Variants in SLC6A13 observed in about 807,000 individuals in gnomAD.
SLC6A13 encodes the protein sodium- and chloride-dependent GABA transporter 2.
SLC6A13 carries 69 observed loss-of-function variants against 72.9 expected under a neutral mutation model. The observed-to-expected ratio is 0.95, with a 90% CI of 0.78 to 1.16. SLC6A13 has a LOEUF of 1.16. Ranked by LOEUF, SLC6A13 falls within the 50% of genes most tolerant of loss-of-function variation. SLC6A13 has a pLI of 0.00. For missense variants in SLC6A13, 735 were observed against 760.5 expected, an observed-to-expected ratio of 0.97 and a Z score of 0.39; for synonymous variants, 303 against 303.0, an observed-to-expected ratio of 1.00 and a Z score of 0.00.
intron 8 of SLC6A13, 51 bp from the exon 9 acceptor site, chr12:226,565 T>C (rs774508754): frequency 4.4e-5 from 69 of 1,582,728 alleles, no homozygotes; most frequent in Non-Finnish European, 5.8e-5. Context: ...AGAACAGGGC[T>C]GCAACCTCTC....
At chr12:251,030 C>T (rs1942524285) in intron 2 of SLC6A13, among the ~76,000 whole-genome samples, 1 of 151,814 alleles carries the variant, frequency 6.6e-6, no homozygotes. Flanking sequence ...GTGGTGGGCA[C>T]CTGTAGTCCC....
At chr12:233,473 G>C (rs1482238270) in intron 7 of SLC6A13, among the ~76,000 whole-genome samples, 2 of 152,262 alleles carry the variant, frequency 1.3e-5, no homozygotes, top group African/African-American at 4.8e-5. Flanking sequence ...CACGAAGGAA[G>C]GGTGGGGAGG....
chr12:221,214 T>TTCCCGAGACTTCTCAGCAGCCAC, intron 14 of SLC6A13, 144 bp from the exon 15 acceptor site: 1 of 1,321,476 alleles, frequency 7.6e-7, no homozygotes, highest in East Asian at 2.5e-5. Flanking sequence ...CCCCTGTGTC[T>TTCCCGAGACTTCTCAGCAGCCAC]TCCCGAGACT....
At chr12:259,678 G>A (rs541921254) in intron 2 of SLC6A13, 173 bp downstream of exon 2, 6 of 1,475,224 alleles carry the variant, frequency 4.1e-6, no homozygotes, top group South Asian at 2.8e-5. Flanking sequence ...GGATAGTCAC[G>A]TAACCTTTCT....
rs1942652387 is a variant in SLC6A13 at position 254,046 on chromosome 12, C to T, written c.202+5805G>A. On this transcript the variant is annotated intron_variant, in intron 2 of 14. Transcript: ENST00000343164. This position sits in a 1 kb window ranked among gnomAD's most constrained non-coding sequence, Gnocchi z 4.4. Reference sequence around the variant, plus strand: ...CTCCCGCTACCTTCTTCCCACATCACGCCTCCTGCGTTATCCAGCATCTCC... The same window carrying T: ...CTCCCGCTACCTTCTTCCCACATCATGCCTCCTGCGTTATCCAGCATCTCC... Among the ~76,000 whole-genome samples the T allele has an allele frequency of 2.0e-5, 3 of 152,244 alleles. No individual in the cohort carries two copies. The highest frequency in any genetic ancestry group is 2.1e-4 in the South Asian group (1 of 4,838).
chr12:260,073 G>T lies in SLC6A13; in HGVS notation c.-5-16C>A, dbSNP rs188143376. 6.2e-6 allele frequency: 10 copies of T among 1,608,888 alleles called. No homozygotes were observed. The East Asian group carries it at 2.2e-4, about 36-fold the overall frequency. On this transcript the variant is annotated splice_polypyrimidine_tract_variant and intron_variant, in intron 1 of 14. Coordinates refer to ENST00000343164, the MANE Select transcript of SLC6A13 (RefSeq NM_016615.5). Reference sequence around the variant, plus strand: ...TCCATCCCACCTGGAAAACAAGTGGGATGCTCTGTTACTGTTGGGAACCCC... The same window carrying T: ...TCCATCCCACCTGGAAAACAAGTGGTATGCTCTGTTACTGTTGGGAACCCC...
At chr12:242,018 G>T (rs184368056) in intron 4 of SLC6A13, among the ~76,000 whole-genome samples, 1 of 152,228 alleles carries the variant, frequency 6.6e-6, no homozygotes, top group Non-Finnish European at 1.5e-5. Flanking sequence ...TATAGCAGAC[G>T]GCCCAGGTGT....
At chr12:231,407 C>A (rs375719085) in intron 7 of SLC6A13, among the ~76,000 whole-genome samples, 4 of 152,312 alleles carry the variant, frequency 2.6e-5, no homozygotes, top group African/African-American at 7.2e-5. Context: ...AAGTGCCAGG[C>A]GAATGCCAGT....
At chr12:237,676 T>C (rs1941987407) in intron 5 of SLC6A13, among the ~76,000 whole-genome samples, 1 of 151,824 alleles carries the variant, frequency 6.6e-6, no homozygotes, top group Non-Finnish European at 1.5e-5. Flanking sequence ...AGAGCACATA[T>C]GCACACACAC....
Position 220,787 on chromosome 12 carries a change from C to T in SLC6A13, c.*161G>A. 1 of 767,396 alleles carries T rather than the reference C, an allele frequency of 1.3e-6. No individual in the cohort carries two copies. Among genetic ancestry groups the T allele is most frequent in the Non-Finnish European group, 2.0e-6 (1 of 488,200 alleles). 47.5% of individuals were successfully genotyped at this position (767,396 alleles called of 1,614,324 possible). A position where few individuals can be genotyped will look rare whatever the true frequency, so the allele number is the denominator to read the frequency against. ...CAACAACCCCTGAGCTGAAAAGTTGCAGTGGGAGGCCTCCAGCTCAGCAGG... is the reference window on the plus strand; with the variant it reads ...CAACAACCCCTGAGCTGAAAAGTTGTAGTGGGAGGCCTCCAGCTCAGCAGG... On this transcript the variant is annotated 3_prime_UTR_variant, in exon 15 of 15. Transcript: ENST00000343164.
At chr12:239,341 G>A (rs1327883593) in intron 4 of SLC6A13, among the ~76,000 whole-genome samples, 3 of 112,624 alleles carry the variant, frequency 2.7e-5, no homozygotes, top group Admixed American at 8.7e-5. Flanking sequence ...CTCAGCCACC[G>A]GCTCTACCAC....
chr12:221,101 G>T (rs1941186495), intron 14 of SLC6A13, 31 bp from the exon 15 acceptor site: 7 of 1,560,350 alleles, frequency 4.5e-6, no homozygotes, highest in African/African-American at 1.4e-5. Context: ...GCTGTCAGGT[G>T]GTGGAGCGGG....
At chr12:259,821 G>A in intron 2 of SLC6A13, 30 bp downstream of exon 2, 1 of 1,614,212 alleles carries the variant, frequency 6.2e-7, no homozygotes, top group Non-Finnish European at 8.5e-7. Context: ...TCCAGGAGTG[G>A]GTGGGGTGGC....
intron 2 of SLC6A13, among the ~76,000 whole-genome samples, chr12:250,488 A>G (rs1240411507): frequency 3.3e-5 from 5 of 152,188 alleles, no homozygotes; most frequent in African/African-American, 1.2e-4. Flanking sequence ...TTGTGTATGT[A>G]TTAGGAATAA....
rs1398622190 is a variant in SLC6A13, at chr12:246,391, C to A, written c.203-2578G>T. On this transcript the variant is annotated intron_variant, in intron 2 of 14. Coordinates refer to ENST00000343164, the MANE Select transcript of SLC6A13 (RefSeq NM_016615.5). ...AATATTACCAGGTCTGGTATTCAAT[C>A]GAAAATTACCAGGAAAGCAAAGAAT... 2.6e-5 allele frequency among the ~76,000 whole-genome samples: 4 copies of A among 152,012 alleles called. No individual in the cohort carries two copies. In the East Asian group the frequency reaches 7.7e-4, roughly 29 times the overall value.
At chr12:229,490 G>A (rs1459756351) in intron 7 of SLC6A13, among the ~76,000 whole-genome samples, 1 of 152,194 alleles carries the variant, frequency 6.6e-6, no homozygotes, top group Non-Finnish European at 1.5e-5. Context: ...CTGCTTCACT[G>A]GCTAAGTTAC....
chr12:228,394 TC>T (rs1183794232), intron 7 of SLC6A13, among the ~76,000 whole-genome samples: 1 of 151,850 alleles, frequency 6.6e-6, no homozygotes, highest in Non-Finnish European at 1.5e-5. Flanking sequence ...TGCAGGACCC[TC>T]CCCAGGAGCT....
intron 4 of SLC6A13, among the ~76,000 whole-genome samples, chr12:239,895 A>G (rs1434753017): frequency 6.6e-6 from 1 of 152,204 alleles, no homozygotes; most frequent in African/African-American, 2.4e-5. Flanking sequence ...CTAGGCTCTG[A>G]GTAAAACCAG....
At chr12:221,130 C>G in intron 14 of SLC6A13, 60 bp from the exon 15 acceptor site, 1 of 1,530,694 alleles carries the variant, frequency 6.5e-7, no homozygotes, top group East Asian at 2.3e-5. Context: ...TGCCAGCTTC[C>G]CTCATCACCA....
Sources: allele counts gnomAD v4.1 joint callset (sites outside exome capture counted in the v4.1 genomes callset), GRCh38; gene constraint gnomAD v4.1.1; non-coding constraint Gnocchi (gnomAD v3.1); transcripts MANE v1.5; gene names NCBI Gene and HGNC (gene_info 2026-07-23, HGNC 2026-07-21).